The following HDDC2 variants were observed in gnomAD, a reference collection of about 807,000 sequenced individuals.
HDDC2 encodes the protein 5'-deoxynucleotidase HDDC2.
A neutral mutation model predicts 25.5 loss-of-function variants in HDDC2; 25 were observed. The ratio of observed to expected loss-of-function variants is 0.98; its 90% CI spans 0.72 to 1.37. The LOEUF (loss-of-function observed/expected upper bound fraction) is 1.37. HDDC2 is among the 40% of genes most tolerant of loss of function. The pLI is 0.00. For synonymous variants in HDDC2, 106 were observed against 89.7 expected, an observed-to-expected ratio of 1.18 and a Z score of -1.03; for missense variants, 264 against 253.1, an observed-to-expected ratio of 1.04 and a Z score of -0.29.
chr6:125,300,517 T>C, intron 2 of HDDC2, 21 bp downstream of exon 2: 1 of 1,610,796 alleles, frequency 6.2e-7, no homozygotes, highest in South Asian at 1.1e-5. Flanking sequence ...CTCACGAGCA[T>C]CAAAGTCCAG....
intron 4 of HDDC2, among the ~76,000 whole-genome samples, chr6:125,284,141 A>T (rs1393802677): frequency 6.6e-6 from 1 of 152,212 alleles, no homozygotes; most frequent in Non-Finnish European, 1.5e-5. Context: ...CCCTTTCCTT[A>T]CACCTTATAC....
chr6:125,298,106 G>A (rs936087040), intron 3 of HDDC2, among the ~76,000 whole-genome samples: 1 of 152,076 alleles, frequency 6.6e-6, no homozygotes, highest in Non-Finnish European at 1.5e-5. Context: ...AAGTTAGTGT[G>A]GAGGGAGAGG....
intron 5 of HDDC2, 93 bp downstream of exon 5, chr6:125,277,009 G>A: frequency 4.8e-6 from 6 of 1,260,078 alleles, no homozygotes; most frequent in Non-Finnish European, 6.8e-6. Context: ...TCAGATGAAG[G>A]TACCAACAGT....
At chr6:125,291,648 G>T (rs1798632848) in intron 4 of HDDC2, among the ~76,000 whole-genome samples, 2 of 152,186 alleles carry the variant, frequency 1.3e-5, no homozygotes, top group South Asian at 4.1e-4. Context: ...GGGGATAAGG[G>T]TGTGGGAACC....
At chr6:125,276,667 A>G (rs1798374270) in intron 5 of HDDC2, 1 of 240,956 alleles carries the variant, frequency 4.2e-6, no homozygotes, top group African/African-American at 2.3e-5. Context: ...CAGAGGGGCT[A>G]GGCTGGCTCA....
rs545858295 is a variant in HDDC2, at chr6:125,292,939, T to C, written c.310-30A>G. Reference sequence around the variant, plus strand: ...AATATTAAACCATTATCTTTAATTATATTGACATTTATCACAGTTAACAAC... The same window carrying C: ...AATATTAAACCATTATCTTTAATTACATTGACATTTATCACAGTTAACAAC... On this transcript the variant is annotated intron_variant, in intron 3 of 5. Transcript: ENST00000398153. 1.0e-5 allele frequency: 16 copies of C among 1,525,934 alleles called. No individual in the cohort carries two copies. The South Asian group carries it at 1.1e-4, about 11-fold the overall frequency. The allele number at this position is 1,525,934 out of a possible 1,614,324, so 94.5% of individuals were successfully genotyped here.
chr6:125,292,340 G>A (rs891970016), intron 4 of HDDC2, among the ~76,000 whole-genome samples: 5 of 152,148 alleles, frequency 3.3e-5, no homozygotes, highest in Admixed American at 6.5e-5. Flanking sequence ...TGGGAAGGGA[G>A]CAGCACTGGG....
At chr6:125,276,588 G>A in intron 5 of HDDC2, 1 of 306,392 alleles carries the variant, frequency 3.3e-6, no homozygotes, top group Non-Finnish European at 6.0e-6. Flanking sequence ...GACAATCTCT[G>A]CCCATTCCAA....
chr6:125,300,466 C>T, intron 2 of HDDC2, 72 bp downstream of exon 2: 1 of 1,534,334 alleles, frequency 6.5e-7, no homozygotes, highest in Non-Finnish European at 8.8e-7. Flanking sequence ...TGACATGGGT[C>T]TCAGTAGTAA....
chr6:125,276,253 A>G lies in HDDC2; in HGVS notation c.518-10T>C, dbSNP rs745608375. 1 of 1,601,230 alleles carries G rather than the reference A, an allele frequency of 6.2e-7. No individual in the cohort carries two copies. The highest frequency in any genetic ancestry group is 1.7e-5 in the Admixed American group (1 of 59,948). On this transcript the variant is annotated splice_polypyrimidine_tract_variant and intron_variant, in intron 5 of 5. Transcript: ENST00000398153. ...GGGTGATTGAATTTTCCTGCAAAGC[A>G]AAAGAACAGGGAAAAATACATTCCC...
At position 125,299,082 on chromosome 6, in the gene HDDC2, T is replaced by A. The variant is rs542032441; in HGVS notation, c.207-266A>T. On this transcript the variant is annotated intron_variant, in intron 2 of 5. Coordinates refer to ENST00000398153, the MANE Select transcript of HDDC2 (RefSeq NM_016063.3). ...TTTCTTAAATGGTTTATCTCTGAAATCTCACTTTAAAAGGCTAATAGGCCA... is the reference window on the plus strand; with the variant it reads ...TTTCTTAAATGGTTTATCTCTGAAAACTCACTTTAAAAGGCTAATAGGCCA... Among the ~76,000 whole-genome samples, 148 of 152,170 alleles carry A rather than the reference T, an allele frequency of 9.7e-4. 1 individual carries two copies. Among genetic ancestry groups the A allele is most frequent in the Non-Finnish European group, 1.4e-3 (92 of 68,026 alleles).
At chr6:125,285,480 A>C (rs1327353603) in intron 4 of HDDC2, among the ~76,000 whole-genome samples, 1 of 152,150 alleles carries the variant, frequency 6.6e-6, no homozygotes, top group Non-Finnish European at 1.5e-5. Flanking sequence ...ATAGAAATGG[A>C]AAGTTTAAAA....
At chr6:125,285,537 A>C (rs1798520841) in intron 4 of HDDC2, among the ~76,000 whole-genome samples, 1 of 152,136 alleles carries the variant, frequency 6.6e-6, no homozygotes, top group African/African-American at 2.4e-5. Context: ...ATAAGGTGAC[A>C]AATAGTGAAG....
chr6:125,288,378 G>A (rs1190069396), intron 4 of HDDC2, among the ~76,000 whole-genome samples: 1 of 152,140 alleles, frequency 6.6e-6, no homozygotes, highest in East Asian at 1.9e-4. Context: ...TGTGACCCCA[G>A]TCCCCACGGC....
chr6:125,296,383 A>G (rs1798706541), intron 3 of HDDC2, among the ~76,000 whole-genome samples: 1 of 152,124 alleles, frequency 6.6e-6, no homozygotes, highest in Non-Finnish European at 1.5e-5. Flanking sequence ...TTAGAGGCTC[A>G]CTGATGTAGC....
intron 4 of HDDC2, among the ~76,000 whole-genome samples, chr6:125,281,277 C>CA (rs1297310965): frequency 5.3e-5 from 8 of 151,970 alleles, no homozygotes; most frequent in Admixed American, 2.6e-4. Context: ...GCTGAAAATT[C>CA]AAAAAAATAG....
rs1262668399 is a variant in HDDC2, at chr6:125,289,245, A to G, written c.378+3596T>C. On this transcript the variant is annotated intron_variant, in intron 4 of 5. Transcript: ENST00000398153. ...CTATCGCAAGAACAAAAAACCAAAC[A>G]CTGCATATTCTCACTCATAGGTGGG... Among the ~76,000 whole-genome samples, 8 of 133,508 alleles carry G rather than the reference A, an allele frequency of 6.0e-5. 1 individual carries two copies. Among genetic ancestry groups the G allele is most frequent in the Non-Finnish European group, 9.4e-5 (6 of 63,668 alleles). The allele number at this position is 133,508 out of a possible 152,430, so 87.6% of individuals were successfully genotyped here.
In HDDC2 at chr6:125,301,848, C is replaced by G. The variant is rs1291005200; in HGVS notation, c.84+1G>C. The G allele has an allele frequency of 1.9e-6, 3 of 1,542,850 alleles. No individual in the cohort carries two copies. The highest frequency in any genetic ancestry group is 4.9e-5 in the East Asian group (2 of 40,770). The stretch of plus-strand genomic sequence containing the variant: ...GGCCTCCCGGCCTGGTGCCCGCTCA[C>G]CTTGAGCTGCCCTACCAGCCGCAGG... On this transcript the variant is annotated splice_donor_variant, in intron 1 of 5. Coordinates refer to ENST00000398153, the MANE Select transcript of HDDC2 (RefSeq NM_016063.3). LOFTEE classifies it high-confidence loss of function.
chr6:125,286,876 A>T (rs1351330499), intron 4 of HDDC2, among the ~76,000 whole-genome samples: 1 of 152,218 alleles, frequency 6.6e-6, no homozygotes, highest in African/African-American at 2.4e-5. Flanking sequence ...ACAAAAATAA[A>T]ATATTAGAAT....
Sources: allele counts gnomAD v4.1 joint callset (sites outside exome capture counted in the v4.1 genomes callset), GRCh38; gene constraint gnomAD v4.1.1; transcripts MANE v1.5; gene names NCBI Gene and HGNC (gene_info 2026-07-23, HGNC 2026-07-21).